Variants in SERPINB12 observed in about 807,000 individuals in gnomAD.
SERPINB12 encodes the protein serpin B12.
A neutral mutation model predicts 41.1 loss-of-function variants in SERPINB12; 57 were observed. That is an observed-to-expected ratio of 1.39 (90% CI 1.12 to 1.73). The LOEUF (loss-of-function observed/expected upper bound fraction) is 1.73. SERPINB12 is among the 40% of genes most tolerant of loss of function. SERPINB12 has a pLI of 0.00. For missense variants in SERPINB12, 536 were observed against 501.9 expected (o/e 1.07, Z -0.65); for synonymous variants, 180 against 181.3 (o/e 0.99, Z 0.06).
At chr18:63,560,667 TA>T (rs1910872870) in intron 4 of SERPINB12, among the ~76,000 whole-genome samples, 1 of 152,202 alleles carries the variant, frequency 6.6e-6, no homozygotes, top group South Asian at 2.1e-4. Flanking sequence ...TATCTATTTC[TA>T]AAACTTTTTT....
the SERPINB12 span, among the ~76,000 whole-genome samples, chr18:63,525,485 A>G: frequency 6.6e-6 from 1 of 152,168 alleles, no homozygotes; most frequent in Non-Finnish European, 1.5e-5. Flanking sequence ...AATTTTATTA[A>G]TAGAGTCAAA....
intron 1 of SERPINB12, among the ~76,000 whole-genome samples, chr18:63,542,746 A>G (rs1285075610): frequency 6.6e-6 from 1 of 152,116 alleles, no homozygotes; most frequent in African/African-American, 2.4e-5. Context: ...CACCCAGGTA[A>G]TAAGCACAGT....
Position 63,565,482 on chromosome 18 carries a change from G to C in SERPINB12, c.743G>C (p.Gly248Ala). Residue 248 changes from glycine (G) to alanine (A), a missense_variant, in exon 7 of 8, where the codon GGC (glycine) becomes GCC (alanine). Physicochemically the swap from Gly to Ala is moderately conservative, Grantham distance 60. Transcript: ENST00000382768. Reference protein sequence around the residue: ...NKSVKMMTQKGLYRIGFIEEV... With the variant: ...NKSVKMMTQKALYRIGFIEEV... ...AGTGTGAAGATGATGACGCAAAAAG[G>C]CCTCTACAGAATTGGCTTCATAGAG... 2 of 1,613,882 alleles carry C rather than the reference G, an allele frequency of 1.2e-6. No individual in the cohort carries two copies.
chr18:63,545,414 C>T (rs544255418), intron 1 of SERPINB12, among the ~76,000 whole-genome samples: 2 of 152,240 alleles, frequency 1.3e-5, no homozygotes, highest in Admixed American at 1.3e-4. Context: ...AAGAAATTCT[C>T]ATCCCCTTGT....
intron 1 of SERPINB12, among the ~76,000 whole-genome samples, chr18:63,544,110 C>A (rs1032329925): frequency 2.6e-5 from 4 of 152,094 alleles, no homozygotes; most frequent in Non-Finnish European, 5.9e-5. Flanking sequence ...TGCAGCTTTG[C>A]AGGCCATGTG....
At chr18:63,563,043 C>A (rs1910966309) in intron 5 of SERPINB12, among the ~76,000 whole-genome samples, 2 of 152,154 alleles carry the variant, frequency 1.3e-5, no homozygotes, top group South Asian at 2.1e-4. Context: ...CCCATTCCTG[C>A]CAGTCTTACT....
chr18:63,556,347 C>A lies in SERPINB12; in HGVS notation c.168+20C>A. 1.2e-6 allele frequency: 2 copies of A among 1,608,788 alleles called. No individual in the cohort carries two copies. The highest frequency in any genetic ancestry group is 8.5e-7 in the Non-Finnish European group (1 of 1,176,458). On this transcript the variant is annotated intron_variant, in intron 2 of 7. Coordinates refer to ENST00000382768, the MANE Select transcript of SERPINB12 (RefSeq NM_001307928.2). Reference sequence around the variant, plus strand: ...GATGAGGTACGTGTCCACTAGGGTGCTACACAGGGTCCTAAACTCTGGGTC... The same window carrying A: ...GATGAGGTACGTGTCCACTAGGGTGATACACAGGGTCCTAAACTCTGGGTC...
chr18:63,548,291 G>A (rs556333507), intron 1 of SERPINB12, among the ~76,000 whole-genome samples: 68 of 151,754 alleles, frequency 4.5e-4, no homozygotes, highest in African/African-American at 1.6e-3. Context: ...AATTAAAAAT[G>A]TTACACATTT....
At chr18:63,550,674 G>A (rs1488979223) in intron 1 of SERPINB12, among the ~76,000 whole-genome samples, 2 of 152,064 alleles carry the variant, frequency 1.3e-5, no homozygotes, top group African/African-American at 2.4e-5. Flanking sequence ...TCCTGAGGCC[G>A]GCTCATACCA....
At chr18:63,553,961 C>G (rs1910596613) in intron 1 of SERPINB12, among the ~76,000 whole-genome samples, 1 of 152,160 alleles carries the variant, frequency 6.6e-6, no homozygotes. Context: ...AAACACCCAC[C>G]AATTAAGGCA....
In SERPINB12 at chr18:63,558,347, T is replaced by C. The variant is rs908056279; in HGVS notation, c.169-5T>C. 5 of 1,611,596 alleles carry C rather than the reference T, an allele frequency of 3.1e-6. No individual in the cohort carries two copies. Among genetic ancestry groups the C allele is most frequent in the East Asian group, 2.2e-5 (1 of 44,864 alleles). ...TCTGAAAGACCCCATCCCGTTATCA[T>C]GCAGGTACTACACTTCAACGAATTT... On this transcript the variant is annotated splice_polypyrimidine_tract_variant and splice_region_variant and intron_variant, in intron 2 of 7. Coordinates refer to ENST00000382768, the MANE Select transcript of SERPINB12 (RefSeq NM_001307928.2).
chr18:63,565,570 G>A lies in SERPINB12; in HGVS notation c.831G>A (p.Leu277=). ...YTKGKLSMFV[L]LPSHSKDNLK... The stretch of plus-strand genomic sequence containing the variant: ...AGGGGAAGCTCAGCATGTTCGTGCT[G>A]CTGCCATCTCACTCTAAAGATAACC... The change falls in exon 7 of 8, where the codon CTG becomes CTA. Residue 277 remains leucine (L), a synonymous_variant. Coordinates refer to ENST00000382768, the MANE Select transcript of SERPINB12 (RefSeq NM_001307928.2). 1 of 1,614,028 alleles carries A rather than the reference G, an allele frequency of 6.2e-7. No individual in the cohort carries two copies. Among genetic ancestry groups the A allele is most frequent in the Non-Finnish European group, 8.5e-7 (1 of 1,179,954 alleles).
chr18:63,524,105 T>G, the SERPINB12 span, among the ~76,000 whole-genome samples: 1 of 151,886 alleles, frequency 6.6e-6, no homozygotes, highest in African/African-American at 2.4e-5. Context: ...TGAAAAAAAT[T>G]CAGAATTAAA....
At position 63,566,693 on chromosome 18, in the gene SERPINB12, C is replaced by T; in HGVS notation, c.960C>T (p.Pro320=). ...MSEESVVLSF[P]RFTLEDSYDL... ...AAGAATCGGTGGTCCTGTCCTTCCC[C>T]CGGTTCACCCTGGAAGACAGCTATG... Residue 320 remains proline, a synonymous_variant, in exon 8 of 8, where the codon CCC becomes CCT. Coordinates refer to ENST00000382768, the MANE Select transcript of SERPINB12 (RefSeq NM_001307928.2). 1 of 1,614,084 alleles carries T rather than the reference C, an allele frequency of 6.2e-7. No individual in the cohort carries two copies. The highest frequency in any genetic ancestry group is 8.5e-7 in the Non-Finnish European group (1 of 1,179,994).
At chr18:63,532,951 T>C in the SERPINB12 span, among the ~76,000 whole-genome samples, 1 of 152,282 alleles carries the variant, frequency 6.6e-6, no homozygotes, top group South Asian at 2.1e-4. Context: ...TGTAAATCTT[T>C]GGTACCTAGT....
intron 1 of SERPINB12, among the ~76,000 whole-genome samples, chr18:63,543,565 A>G (rs944111066): frequency 4.0e-5 from 6 of 150,382 alleles, no homozygotes; most frequent in African/African-American, 1.5e-4. Context: ...TAATCAAAAC[A>G]TACATTTTAT....
At chr18:63,553,689 G>T (rs750115859) in intron 1 of SERPINB12, among the ~76,000 whole-genome samples, 1 of 152,036 alleles carries the variant, frequency 6.6e-6, no homozygotes, top group Non-Finnish European at 1.5e-5. Context: ...TACAACAAAG[G>T]TTTTAAAAAA....
upstream of SERPINB12, among the ~76,000 whole-genome samples, chr18:63,541,210 A>G (rs1214902034): frequency 6.6e-6 from 1 of 152,062 alleles, no homozygotes; most frequent in African/African-American, 2.4e-5. Flanking sequence ...GTTGCATGCC[A>G]CTCGTTCCCT....
chr18:63,561,059 A>G, intron 4 of SERPINB12, 26 bp from the exon 5 acceptor site: 10 of 1,454,596 alleles, frequency 6.9e-6, no homozygotes, highest in Non-Finnish European at 9.6e-6. Context: ...TTATTGCATT[A>G]TTTCCCTTTT....
Sources: gnomAD v4.1 joint callset for allele counts (sites outside exome capture counted in the v4.1 genomes callset) on GRCh38, gnomAD v4.1.1 for gene constraint, MANE v1.5 for transcripts, NCBI Gene and HGNC (gene_info 2026-07-23, HGNC 2026-07-21) for gene names.